PSKH1: variants seen among roughly 807,000 people sequenced by gnomAD.
PSKH1 encodes serine/threonine-protein kinase H1.
PSKH1 carries 12 observed loss-of-function variants against 26.7 expected under a neutral mutation model. That is an observed-to-expected ratio of 0.45 (90% CI 0.29 to 0.73). PSKH1 has a LOEUF of 0.73. PSKH1 is among the 30% of genes least tolerant of loss of function. The pLI, the probability that PSKH1 is intolerant of heterozygous loss-of-function variation, is 0.11. For missense variants in PSKH1, 431 were observed against 595.2 expected, an observed-to-expected ratio of 0.72 and a Z score of 2.87; for synonymous variants, 213 against 234.3, an observed-to-expected ratio of 0.91 and a Z score of 0.83.
At chr16:67,894,096 G>A (rs1257319828) in intron 1 of PSKH1, among the ~76,000 whole-genome samples, 2 of 152,136 alleles carry the variant, frequency 1.3e-5, no homozygotes, top group African/African-American at 2.4e-5. Flanking sequence ...CTCCCTTTAC[G>A]TAGTTTATTG....
At chr16:67,903,436 G>A (rs919866759) in intron 1 of PSKH1, among the ~76,000 whole-genome samples, 12 of 152,200 alleles carry the variant, frequency 7.9e-5, no homozygotes, top group Non-Finnish European at 1.8e-4. Context: ...ACAGGCATGA[G>A]CCACTATGCC....
chr16:67,910,127 T>C, intron 2 of PSKH1: 1 of 328,258 alleles, frequency 3.0e-6, no homozygotes, highest in Non-Finnish European at 5.6e-6. Flanking sequence ...ATCCACTGAC[T>C]CCTGTACTTC....
chr16:67,926,924 A>G (rs771896023), intron 2 of PSKH1, among the ~76,000 whole-genome samples: 8 of 152,262 alleles, frequency 5.3e-5, no homozygotes, highest in Non-Finnish European at 1.0e-4. Flanking sequence ...AAGTAGCCTG[A>G]TCCTGGTCAT....
In PSKH1 at chr16:67,908,816, A is replaced by T; in HGVS notation, c.67A>T (p.Lys23Ter). 6.2e-7 allele frequency: 1 copy of T among 1,613,364 alleles called. No homozygotes were observed. Among genetic ancestry groups the T allele is most frequent in the Non-Finnish European group, 8.5e-7 (1 of 1,179,514 alleles). ...GGATGTCCAGCTGGATCTGGTCAAG[A>T]AGGTGGAGCCCTTCAGTGGCACTAA... is the stretch of plus-strand genomic sequence containing the variant. ...PKDVQLDLVK[K>*]VEPFSGTKSD... The change falls in exon 2 of 3, where the codon AAG (lysine) becomes TAG (stop). Residue 23 changes from lysine (K) to a stop codon, truncating the protein, a stop_gained. Transcript: ENST00000291041. LOFTEE classifies it high-confidence loss of function.
chr16:67,895,272 C>T (rs1321261471), intron 1 of PSKH1, among the ~76,000 whole-genome samples: 2 of 151,648 alleles, frequency 1.3e-5, no homozygotes, highest in African/African-American at 2.4e-5. Flanking sequence ...GCCATGTTGC[C>T]GAGGCTGGTG....
At chr16:67,914,345 G>T (rs1022472682) in intron 2 of PSKH1, among the ~76,000 whole-genome samples, 1 of 151,906 alleles carries the variant, frequency 6.6e-6, no homozygotes, top group Non-Finnish European at 1.5e-5. Flanking sequence ...TAGAGATGGG[G>T]TTTCTTCTTG....
rs572396203 is a variant in PSKH1, at chr16:67,929,553, C to T, written c.*1911C>T. ...GGGCCTTTGATAGACCCACTTGGGC[C>T]TTCATGCCATGGCCTGTGGATGGAG... On this transcript the variant is annotated 3_prime_UTR_variant, in exon 3 of 3. Transcript: ENST00000291041. 5.1e-6 allele frequency: 1 copy of T among 197,954 alleles called. No homozygotes were observed. The highest frequency in any genetic ancestry group is 9.5e-5 in the South Asian group (1 of 10,550). 12.3% of individuals were successfully genotyped at this position (197,954 alleles called of 1,614,324 possible). A position where few individuals can be genotyped will look rare whatever the true frequency, so the allele number is the denominator to read the frequency against.
chr16:67,911,240 T>C (rs1038662641), intron 2 of PSKH1, among the ~76,000 whole-genome samples: 9 of 152,218 alleles, frequency 5.9e-5, no homozygotes, highest in East Asian at 5.8e-4. Context: ...CCTTCAGATA[T>C]GGACCTGCTG....
chr16:67,922,012 A>G (rs2058203990), intron 2 of PSKH1, among the ~76,000 whole-genome samples: 1 of 149,256 alleles, frequency 6.7e-6, no homozygotes, highest in Non-Finnish European at 1.5e-5. Context: ...TTAAAACTGC[A>G]TTATCTTCCC....
At chr16:67,924,472 G>C (rs1271360570) in intron 2 of PSKH1, among the ~76,000 whole-genome samples, 1 of 152,208 alleles carries the variant, frequency 6.6e-6, no homozygotes, top group Non-Finnish European at 1.5e-5. Flanking sequence ...GCTGGTCTGG[G>C]GAGAGGCCCC....
chr16:67,906,804 C>T (rs2058157267), intron 1 of PSKH1, among the ~76,000 whole-genome samples: 1 of 152,124 alleles, frequency 6.6e-6, no homozygotes, highest in African/African-American at 2.4e-5. Context: ...AGGGCCCCAC[C>T]AGCCCCAGGG....
intron 1 of PSKH1, among the ~76,000 whole-genome samples, chr16:67,904,154 T>G (rs976170590): frequency 6.6e-6 from 1 of 151,738 alleles, no homozygotes; most frequent in Non-Finnish European, 1.5e-5. Context: ...TAGCTGAGAT[T>G]ACAGGCGCCT....
Position 67,927,266 on chromosome 16 carries a change from T to A in PSKH1, c.958-59T>A. The A allele has an allele frequency of 6.6e-7, 1 of 1,515,384 alleles. No individual in the cohort carries two copies. The highest frequency in any genetic ancestry group is 9.0e-7 in the Non-Finnish European group (1 of 1,115,808). 93.9% of individuals were successfully genotyped at this position (1,515,384 alleles called of 1,614,324 possible). A position where few individuals can be genotyped will look rare whatever the true frequency, so the allele number is the denominator to read the frequency against. ...GGAGGGTTGCTGAGTAGTGGCCTCA[T>A]CCAGATGGGGTGGGCAGTGTCAGAT... On this transcript the variant is annotated intron_variant, in intron 2 of 2. Coordinates refer to ENST00000291041, the MANE Select transcript of PSKH1 (RefSeq NM_006742.3). This position sits in a 1 kb window ranked among gnomAD's most constrained non-coding sequence, Gnocchi z 5.5.
chr16:67,908,885 G>C lies in PSKH1; in HGVS notation c.136G>C (p.Gly46Arg), dbSNP rs146186709. 2 of 1,614,138 alleles carry C rather than the reference G, an allele frequency of 1.2e-6. No individual in the cohort carries two copies. The highest frequency in any genetic ancestry group is 1.7e-6 in the Non-Finnish European group (2 of 1,180,024). ...KHFITEVDSVGPVKAGFPAAS... is the reference protein window; with the variant it reads ...KHFITEVDSVRPVKAGFPAAS... Reference sequence around the variant, plus strand: ...CTTCATCACAGAGGTGGACAGTGTTGGCCCTGTCAAAGCCGGGTTCCCAGC... The same window carrying C: ...CTTCATCACAGAGGTGGACAGTGTTCGCCCTGTCAAAGCCGGGTTCCCAGC... The change falls in exon 2 of 3, where the codon GGC (glycine) becomes CGC (arginine). Residue 46 changes from glycine (G) to arginine (R), a missense_variant. Gly to Arg is a moderately radical substitution (Grantham distance 125, BLOSUM62 -2). Transcript: ENST00000291041.
chr16:67,897,734 T>C (rs1169418878), intron 1 of PSKH1, among the ~76,000 whole-genome samples: 8 of 152,230 alleles, frequency 5.3e-5, no homozygotes, highest in Admixed American at 2.0e-4. Context: ...TTGCCCAGGC[T>C]GGAGTGCAGT....
chr16:67,916,530 G>A (rs865883531), intron 2 of PSKH1, among the ~76,000 whole-genome samples: 3 of 152,270 alleles, frequency 2.0e-5, no homozygotes, highest in Middle Eastern at 6.8e-3. Context: ...GATTGGGAGT[G>A]ACAGAGCAGA....
intron 1 of PSKH1, among the ~76,000 whole-genome samples, chr16:67,900,671 T>C (rs2058139126): frequency 1.3e-5 from 2 of 152,192 alleles, no homozygotes; most frequent in African/African-American, 4.8e-5. Flanking sequence ...TTTCTGTAGA[T>C]TGTCAGTGAG....
At chr16:67,896,713 C>T (rs924455046) in intron 1 of PSKH1, among the ~76,000 whole-genome samples, 4 of 151,848 alleles carry the variant, frequency 2.6e-5, no homozygotes, top group African/African-American at 4.8e-5. Context: ...TGGCCATACC[C>T]CTAGAAGAGA....
At chr16:67,894,878 A>G (rs2058121647) in intron 1 of PSKH1, among the ~76,000 whole-genome samples, 1 of 151,124 alleles carries the variant, frequency 6.6e-6, no homozygotes, top group Non-Finnish European at 1.5e-5. Flanking sequence ...ATCTCCTGGG[A>G]TAATTTTGTG....
Sources: allele counts gnomAD v4.1 joint callset (sites outside exome capture counted in the v4.1 genomes callset), GRCh38; gene constraint gnomAD v4.1.1; non-coding constraint Gnocchi (gnomAD v3.1); transcripts MANE v1.5; gene names NCBI Gene and HGNC (gene_info 2026-07-23, HGNC 2026-07-21).